RPTOR: variants seen among roughly 807,000 people sequenced by gnomAD.
RPTOR encodes regulatory-associated protein of mTOR.
A neutral mutation model predicts 169.9 loss-of-function variants in RPTOR; 21 were observed. That is an observed-to-expected ratio of 0.12 (90% CI 0.09 to 0.18). RPTOR has a LOEUF of 0.18. RPTOR is among the 10% of genes least tolerant of loss of function. RPTOR has a pLI of 1.00. For missense variants in RPTOR, 1,133 were observed against 1,855.9 expected, an observed-to-expected ratio of 0.61 and a Z score of 7.16; for synonymous variants, 732 against 753.2, an observed-to-expected ratio of 0.97 and a Z score of 0.46.
At chr17:80,594,628 G>T (rs774045413) in intron 1 of RPTOR, among the ~76,000 whole-genome samples, 1 of 152,222 alleles carries the variant, frequency 6.6e-6, no homozygotes, top group Admixed American at 6.5e-5. Context: ...GAAGAAGCTC[G>T]TCAGGCTGTG....
intron 16 of RPTOR, 82 bp from the exon 17 acceptor site, chr17:80,884,926 C>T: frequency 1.3e-6 from 2 of 1,518,042 alleles, no homozygotes; most frequent in Non-Finnish European, 1.8e-6. Context: ...TTGGATTCAC[C>T]TGCACACACA....
At chr17:80,809,115 G>A (rs1431226639) in intron 7 of RPTOR, among the ~76,000 whole-genome samples, 2 of 152,244 alleles carry the variant, frequency 1.3e-5, no homozygotes, top group Non-Finnish European at 2.9e-5. Flanking sequence ...TTGCTGACCT[G>A]AGTTCCTGCC....
chr17:80,813,705 G>A (rs1217104052), intron 7 of RPTOR, among the ~76,000 whole-genome samples: 3 of 152,196 alleles, frequency 2.0e-5, no homozygotes, highest in African/African-American at 7.2e-5. Flanking sequence ...ACCTTTGTAA[G>A]TAATTAATTA....
At chr17:80,634,099 T>TTGTGTGCGTGTGTGCATAC (rs2065462696) in intron 2 of RPTOR, among the ~76,000 whole-genome samples, 3 of 143,034 alleles carry the variant, frequency 2.1e-5, no homozygotes, top group East Asian at 4.0e-4. Context: ...TGTGTGCATA[T>TTGTGTGCGTGTGTGCATAC]TGTGTGCGTG....
chr17:80,674,787 C>CAAAAAAAAAAAAAAAAAAAAAA (rs9319608), intron 3 of RPTOR, among the ~76,000 whole-genome samples: 1 of 89,976 alleles, frequency 1.1e-5, no homozygotes, highest in Non-Finnish European at 2.1e-5. Context: ...GACTCTGTCT[C>CAAAAAAAAAAAAAAAAAAAAAA]AAAAAAAAAA....
chr17:80,734,178 CTCTTT>C (rs1458841586), intron 5 of RPTOR, among the ~76,000 whole-genome samples: 1 of 151,928 alleles, frequency 6.6e-6, no homozygotes, highest in African/African-American at 2.4e-5. Context: ...TGGACATTTC[CTCTTT>C]TCTTCTTGAA....
intron 7 of RPTOR, among the ~76,000 whole-genome samples, chr17:80,798,250 C>T (rs1055134197): frequency 6.6e-6 from 1 of 152,166 alleles, no homozygotes; most frequent in Admixed American, 6.5e-5. Flanking sequence ...GGGCTGGAAG[C>T]GTAGCAGTGT....
chr17:80,945,830 A>T, intron 26 of RPTOR, 49 bp downstream of exon 26: 1 of 1,132,358 alleles, frequency 8.8e-7, no homozygotes, highest in Non-Finnish European at 1.2e-6. Context: ...CGACAGCCCC[A>T]GCGATGCCCT....
intron 5 of RPTOR, among the ~76,000 whole-genome samples, chr17:80,750,464 C>T (rs1208166627): frequency 1.3e-5 from 2 of 152,214 alleles, no homozygotes; most frequent in Admixed American, 1.3e-4. Context: ...GCCTCCCTCC[C>T]AGCCCCTTTC....
chr17:80,550,980 C>T (rs781615855), intron 1 of RPTOR, among the ~76,000 whole-genome samples: 7 of 152,102 alleles, frequency 4.6e-5, no homozygotes, highest in Non-Finnish European at 1.0e-4. Flanking sequence ...CTCCACCTCC[C>T]GAGTTCAAGA....
chr17:80,894,303 A>G (rs1406579926), intron 20 of RPTOR, among the ~76,000 whole-genome samples: 1 of 152,182 alleles, frequency 6.6e-6, no homozygotes, highest in Non-Finnish European at 1.5e-5. Context: ...GAAGCTGCTC[A>G]CATCCCCTGG....
chr17:80,943,117 C>T (rs1002124331), intron 25 of RPTOR, among the ~76,000 whole-genome samples: 3 of 152,228 alleles, frequency 2.0e-5, no homozygotes, highest in Non-Finnish European at 4.4e-5. Context: ...GCCGAGCACA[C>T]ACCAGGCATC....
chr17:80,576,274 A>G (rs962814852), intron 1 of RPTOR, among the ~76,000 whole-genome samples: 11 of 152,108 alleles, frequency 7.2e-5, no homozygotes, highest in African/African-American at 1.2e-4. Flanking sequence ...ATGCCTTTTT[A>G]TAGATTGAAA....
chr17:80,922,068 A>G (rs1388842719), intron 21 of RPTOR, among the ~76,000 whole-genome samples: 1 of 152,318 alleles, frequency 6.6e-6, no homozygotes, highest in South Asian at 2.1e-4. Flanking sequence ...ATTCTCTGAC[A>G]GTTTCTGTGG....
chr17:80,741,287 C>G (rs117535347), intron 5 of RPTOR, among the ~76,000 whole-genome samples: 1 of 152,056 alleles, frequency 6.6e-6, no homozygotes, highest in Non-Finnish European at 1.5e-5. Flanking sequence ...GGGGGCCTTC[C>G]GAGTGGAGGG....
intron 9 of RPTOR, among the ~76,000 whole-genome samples, chr17:80,825,787 T>C (rs998616530): frequency 6.6e-6 from 1 of 152,222 alleles, no homozygotes; most frequent in African/African-American, 2.4e-5. Context: ...CTTGGGCTAA[T>C]GTGCGCCTTT....
At chr17:80,949,578 A>G (rs774641972) in intron 28 of RPTOR, 31 bp downstream of exon 28, 1 of 1,576,510 alleles carries the variant, frequency 6.3e-7, no homozygotes, top group Non-Finnish European at 8.7e-7. Flanking sequence ...CCCAGAGCAG[A>G]ATGTGTTCCC....
At chr17:80,836,449 C>T (rs8077421) in intron 9 of RPTOR, among the ~76,000 whole-genome samples, 6 of 152,186 alleles carry the variant, frequency 3.9e-5, no homozygotes, top group Non-Finnish European at 5.9e-5. Context: ...TGTGGCTCTG[C>T]GGCCTTGGGC....
chr17:80,846,204 C>A (rs528619358), intron 10 of RPTOR, among the ~76,000 whole-genome samples: 1 of 152,400 alleles, frequency 6.6e-6, no homozygotes, highest in South Asian at 2.1e-4. Flanking sequence ...GCTCCTCTTG[C>A]GGCCCCAGCT....
Sources: gnomAD v4.1 joint callset for allele counts (sites outside exome capture counted in the v4.1 genomes callset) on GRCh38, gnomAD v4.1.1 for gene constraint, MANE v1.5 for transcripts, NCBI Gene and HGNC (gene_info 2026-07-23, HGNC 2026-07-21) for gene names.